The following EPS8 variants were observed in gnomAD, a reference collection of about 807,000 sequenced individuals.
EPS8 encodes the protein epidermal growth factor receptor kinase substrate 8.
Under a neutral mutation model 103.8 loss-of-function variants are expected in EPS8, and 42 were observed. The observed-to-expected ratio is 0.40, with a 90% confidence interval of 0.32 to 0.52. EPS8 has a LOEUF of 0.52. EPS8 is among the 20% of genes least tolerant of loss of function. The probability of loss-of-function intolerance (pLI) is 0.40; values close to 1 mark genes in which losing one functional copy is unlikely to be tolerated. For synonymous variants in EPS8, 344 were observed against 344.6 expected (o/e 1.00, Z 0.02); for missense variants, 969 against 1,005.1 (o/e 0.96, Z 0.49).
intron 14 of EPS8, among the ~76,000 whole-genome samples, chr12:15,650,442 C>T (rs554390862): frequency 1.3e-5 from 2 of 152,076 alleles, no homozygotes; most frequent in South Asian, 2.1e-4. Flanking sequence ...GTCTTGAGGG[C>T]CTGATAATGG....
At chr12:15,634,071 A>G (rs1945094938) in intron 17 of EPS8, among the ~76,000 whole-genome samples, 1 of 152,200 alleles carries the variant, frequency 6.6e-6, no homozygotes, top group African/African-American at 2.4e-5. Flanking sequence ...TGCACTCTGA[A>G]CTTTTTTCTC....
chr12:15,628,178 T>C lies in EPS8; in HGVS notation c.2044+3264A>G, dbSNP rs1055930956. 2.0e-5 allele frequency among the ~76,000 whole-genome samples: 3 copies of C among 152,208 alleles called. No homozygotes were observed. In the East Asian group the frequency reaches 5.8e-4, roughly 29 times the overall value. On this transcript the variant is annotated intron_variant, in intron 18 of 20. Transcript: ENST00000281172. The stretch of plus-strand genomic sequence containing the variant: ...TACATTTAAGTATACATTATGTGCA[T>C]TTCATTAGCTACCTTTTAAAAAATC...
At chr12:15,658,628 G>T (rs1263527823) in intron 10 of EPS8, 43 bp from the exon 11 acceptor site, 15 of 1,310,526 alleles carry the variant, frequency 1.1e-5, no homozygotes, top group Non-Finnish European at 1.6e-5. Flanking sequence ...CAAAATCCAA[G>T]GAAATTTATT....
intron 12 of EPS8, among the ~76,000 whole-genome samples, chr12:15,655,796 A>C (rs1462035370): frequency 6.6e-6 from 1 of 152,234 alleles, no homozygotes; most frequent in African/African-American, 2.4e-5. Context: ...GCTCGTGTGT[A>C]CATGTCCATG....
intron 2 of EPS8, among the ~76,000 whole-genome samples, chr12:15,681,768 G>A (rs1362391603): frequency 2.7e-5 from 4 of 150,592 alleles, no homozygotes; most frequent in Non-Finnish European, 5.9e-5. Flanking sequence ...GCTAGGCATG[G>A]TGGCAGGCAC....
At position 15,700,848 on chromosome 12, in the gene EPS8, A is replaced by T. The variant is rs185889758; in HGVS notation, c.-21-17876T>A. ...CAAGTGCCATTTCTTTCAAACACTG[A>T]TTAGACAAAATTGAAGTCTATCACA... On this transcript the variant is annotated intron_variant, in intron 1 of 20. Transcript: ENST00000281172. The surrounding 1 kb of genome is among the most constrained non-coding windows in gnomAD (Gnocchi z 5.1). 3.3e-5 allele frequency among the ~76,000 whole-genome samples: 5 copies of T among 152,210 alleles called. No individual in the cohort carries two copies. Among genetic ancestry groups the T allele is most frequent in the African/African-American group, 1.2e-4 (5 of 41,444 alleles).
At chr12:15,638,500 T>C (rs1945175148) in intron 17 of EPS8, among the ~76,000 whole-genome samples, 1 of 152,176 alleles carries the variant, frequency 6.6e-6, no homozygotes, top group Non-Finnish European at 1.5e-5. Flanking sequence ...CAGCATACGC[T>C]TCTGCATACA....
intron 1 of EPS8, among the ~76,000 whole-genome samples, chr12:15,750,931 G>A (rs563757792): frequency 7.7e-4 from 117 of 151,906 alleles, no homozygotes; most frequent in African/African-American, 2.6e-3. Flanking sequence ...TGAACCCTTC[G>A]GCTCAAATTA....
chr12:15,769,516 C>G lies in EPS8; in HGVS notation c.-22+19645G>C, dbSNP rs566355674. On this transcript the variant is annotated intron_variant, in intron 1 of 20. Coordinates refer to ENST00000281172, the MANE Select transcript of EPS8 (RefSeq NM_004447.6). The surrounding 1 kb of genome is among the most constrained non-coding windows in gnomAD (Gnocchi z 4.6). ...AAAAATTACACAAATATAAGACGCT[C>G]TTGTTGGCAAATATTAAGAAAAAAC... Among the ~76,000 whole-genome samples, 1 of 152,162 alleles carries G rather than the reference C, an allele frequency of 6.6e-6. No individual in the cohort carries two copies. Among genetic ancestry groups the G allele is most frequent in the Non-Finnish European group, 1.5e-5 (1 of 68,024 alleles).
Position 15,736,879 on chromosome 12 carries a change from T to C in EPS8, c.-22+52282A>G, listed in dbSNP as rs1438828320. Among the ~76,000 whole-genome samples, 1 of 152,186 alleles carries C rather than the reference T, an allele frequency of 6.6e-6. No individual in the cohort carries two copies. The highest frequency in any genetic ancestry group is 2.4e-5 in the African/African-American group (1 of 41,446). On this transcript the variant is annotated intron_variant, in intron 1 of 20. Transcript: ENST00000281172. The surrounding 1 kb of genome is among the most constrained non-coding windows in gnomAD (Gnocchi z 4.2). ...TGATGATGAATTTACATTATGCTTA[T>C]GAAGGATGGGATGTGCTCAATGCTT...
At position 15,740,808 on chromosome 12, in the gene EPS8, A is replaced by G. The variant is rs143357347; in HGVS notation, c.-22+48353T>C. ...GTCTCCAGTATGTAAAATAGAAACAATAATACCTCCCTGTAGCGAAATTAA... is the reference window on the plus strand; with the variant it reads ...GTCTCCAGTATGTAAAATAGAAACAGTAATACCTCCCTGTAGCGAAATTAA... On this transcript the variant is annotated intron_variant, in intron 1 of 20. Coordinates refer to ENST00000281172, the MANE Select transcript of EPS8 (RefSeq NM_004447.6). Among the ~76,000 whole-genome samples the G allele has an allele frequency of 1.4e-3, 214 of 152,326 alleles. 1 individual carries two copies. The highest frequency in any genetic ancestry group is 5.0e-3 in the African/African-American group (206 of 41,586).
At chr12:15,668,571 C>G (rs745739510) in intron 6 of EPS8, among the ~76,000 whole-genome samples, 2 of 152,182 alleles carry the variant, frequency 1.3e-5, no homozygotes, top group Non-Finnish European at 2.9e-5. Flanking sequence ...TGAAATTACA[C>G]TGTACTTTGA....
At chr12:15,743,620 C>T (rs925984530) in intron 1 of EPS8, among the ~76,000 whole-genome samples, 1 of 152,150 alleles carries the variant, frequency 6.6e-6, no homozygotes, top group Non-Finnish European at 1.5e-5. Flanking sequence ...TATCTACAAC[C>T]ATCTGATCTT....
At chr12:15,667,351 G>A (rs995823578) in intron 6 of EPS8, among the ~76,000 whole-genome samples, 9 of 152,184 alleles carry the variant, frequency 5.9e-5, no homozygotes, top group Admixed American at 1.3e-4. Flanking sequence ...TAATAAAACT[G>A]AGGAGTACTT....
At position 15,779,027 on chromosome 12, in the gene EPS8, G is replaced by C. The variant is rs184314326; in HGVS notation, c.-22+10134C>G. On this transcript the variant is annotated intron_variant, in intron 1 of 20. Coordinates refer to ENST00000281172, the MANE Select transcript of EPS8 (RefSeq NM_004447.6). The surrounding 1 kb of genome is among the most constrained non-coding windows in gnomAD (Gnocchi z 4.3). ...AGTTTCACTCTTGTTGCCCAGGCTG[G>C]AGTGCAATGGCGCCATCTTGGCTCA... 8.8e-4 allele frequency among the ~76,000 whole-genome samples: 134 copies of C among 152,250 alleles called. 2 individuals are homozygous for C. The highest frequency in any genetic ancestry group is 1.6e-3 in the Non-Finnish European group (110 of 68,014).
intron 4 of EPS8, 91 bp from the exon 5 acceptor site, chr12:15,669,916 C>T (rs1945786325): frequency 1.1e-6 from 1 of 903,086 alleles, no homozygotes; most frequent in Non-Finnish European, 1.6e-6. Flanking sequence ...ATCAAATAAC[C>T]TGAGGTCAGC....
rs1436547069 is a variant in EPS8, at chr12:15,620,526, T to G, written c.*791A>C. ...CATATCAACATTCAGAACTGAGGCTTTCATTAAGCAAAATACTGTAATGCA... is the reference window on the plus strand; with the variant it reads ...CATATCAACATTCAGAACTGAGGCTGTCATTAAGCAAAATACTGTAATGCA... On this transcript the variant is annotated 3_prime_UTR_variant, in exon 21 of 21. Transcript: ENST00000281172. 6.6e-6 allele frequency: 1 copy of G among 152,632 alleles called. No individual in the cohort carries two copies. Among genetic ancestry groups the G allele is most frequent in the Non-Finnish European group, 1.5e-5 (1 of 68,046 alleles). The allele number at this position is 152,632 out of a possible 1,614,324, so 9.5% of individuals were successfully genotyped here. A position where few individuals can be genotyped will look rare whatever the true frequency, so the allele number is the denominator to read the frequency against.
Position 15,684,985 on chromosome 12 carries a change from G to A in EPS8, c.-21-2013C>T, listed in dbSNP as rs1388784033. On this transcript the variant is annotated intron_variant, in intron 1 of 20. Coordinates refer to ENST00000281172, the MANE Select transcript of EPS8 (RefSeq NM_004447.6). The surrounding 1 kb of genome is among the most constrained non-coding windows in gnomAD (Gnocchi z 4.9). ...TTCTCAGGGTGGGACAAGGCAGAGG[G>A]CCTGATTTGTAGTGCTTATTGTTTT... is the stretch of plus-strand genomic sequence containing the variant. 6.6e-6 allele frequency among the ~76,000 whole-genome samples: 1 copy of A among 152,172 alleles called. No homozygotes were observed. Among genetic ancestry groups the A allele is most frequent in the South Asian group, 2.1e-4 (1 of 4,828 alleles).
rs895438229 is a variant in EPS8, at chr12:15,706,412, T to C, written c.-21-23440A>G. On this transcript the variant is annotated intron_variant, in intron 1 of 20. Coordinates refer to ENST00000281172, the MANE Select transcript of EPS8 (RefSeq NM_004447.6). The surrounding 1 kb of genome is among the most constrained non-coding windows in gnomAD (Gnocchi z 5.2). ...TAATTATCTTTTATATCTTTGCCTA[T>C]CTAAATCTTGTATCTCAGCTTAAAT... is the stretch of plus-strand genomic sequence containing the variant. Among the ~76,000 whole-genome samples the C allele has an allele frequency of 3.3e-5, 5 of 151,914 alleles. No homozygotes were observed. Among genetic ancestry groups the C allele is most frequent in the Non-Finnish European group, 5.9e-5 (4 of 68,010 alleles).
Sources: gnomAD v4.1 joint callset for allele counts (sites outside exome capture counted in the v4.1 genomes callset) on GRCh38, gnomAD v4.1.1 for gene constraint, Gnocchi (gnomAD v3.1) non-coding constraint, MANE v1.5 for transcripts, NCBI Gene and HGNC (gene_info 2026-07-23, HGNC 2026-07-21) for gene names.